The following CACNA1C variants were observed in gnomAD, a reference collection of about 807,000 sequenced individuals.
CACNA1C encodes voltage-dependent L-type calcium channel subunit alpha-1C.
CACNA1C carries 30 observed loss-of-function variants against 229.0 expected under a neutral mutation model. The observed-to-expected ratio is 0.13, with a 90% CI of 0.10 to 0.18. The LOEUF is 0.18. Among genes scored for constraint, CACNA1C ranks in the 10% least tolerant of loss-of-function variants. The pLI, the probability that CACNA1C is intolerant of heterozygous loss-of-function variation, is 1.00. For synonymous variants in CACNA1C, 1,114 were observed against 1,132.5 expected (o/e 0.98, Z 0.33); for missense variants, 1,658 against 2,845.0 (o/e 0.58, Z 9.49).
chr12:2,392,901 T>C (rs1282171285), intron 3 of CACNA1C, among the ~76,000 whole-genome samples: 1 of 152,190 alleles, frequency 6.6e-6, no homozygotes, highest in African/African-American at 2.4e-5. Context: ...CCATCTGGGC[T>C]TTGCTATTTG....
chr12:1,980,360 T>C (rs568336311), intron 1 of CACNA1C, among the ~76,000 whole-genome samples: 2 of 152,348 alleles, frequency 1.3e-5, no homozygotes, highest in African/African-American at 4.8e-5. Flanking sequence ...CATGTGACTA[T>C]TGGTATTTGT....
At chr12:2,286,876 C>T (rs1305733834) in intron 3 of CACNA1C, among the ~76,000 whole-genome samples, 1 of 152,244 alleles carries the variant, frequency 6.6e-6, no homozygotes, top group East Asian at 1.9e-4. Context: ...TGCCTCAGGA[C>T]TGAAATTGGT....
intron 30 of CACNA1C, among the ~76,000 whole-genome samples, chr12:2,636,987 A>T (rs1481489412): frequency 6.6e-6 from 1 of 152,192 alleles, no homozygotes; most frequent in Non-Finnish European, 1.5e-5. Context: ...AGGTGTCCTG[A>T]GACCCAACAC....
rs924298353 is a variant in CACNA1C at position 2,695,246 on chromosome 12, T to C, written c.*4047T>C. 1.3e-5 allele frequency: 2 copies of C among 152,222 alleles called. No homozygotes were observed. The highest frequency in any genetic ancestry group is 2.1e-4 in the South Asian group (1 of 4,834). 9.4% of individuals were successfully genotyped at this position (152,222 alleles called of 1,614,324 possible). ...TGCCTCTTCCCAGTTCATGGAAGGA[T>C]GTGTTCAGCTTACCCACCCACAGTG... On this transcript the variant is annotated 3_prime_UTR_variant, in exon 47 of 47. Coordinates refer to ENST00000399655, the MANE Select transcript of CACNA1C (RefSeq NM_000719.7).
At chr12:2,471,544 A>G (rs1425394982) in intron 5 of CACNA1C, among the ~76,000 whole-genome samples, 3 of 152,214 alleles carry the variant, frequency 2.0e-5, no homozygotes, top group African/African-American at 2.4e-5. Flanking sequence ...TGTTTATCTG[A>G]ACATGTCTTT....
chr12:2,233,271 C>G (rs1210036084), intron 3 of CACNA1C, among the ~76,000 whole-genome samples: 1 of 152,180 alleles, frequency 6.6e-6, no homozygotes, highest in East Asian at 1.9e-4. Flanking sequence ...TGTGACTCAT[C>G]TGGGGGTAAT....
intron 3 of CACNA1C, among the ~76,000 whole-genome samples, chr12:2,405,376 T>C (rs2098725060): frequency 6.6e-6 from 1 of 152,226 alleles, no homozygotes; most frequent in Admixed American, 6.5e-5. Context: ...TCCTTCGCTA[T>C]GGAGATCTTC....
chr12:2,373,691 G>A (rs1230882156), intron 3 of CACNA1C, among the ~76,000 whole-genome samples: 1 of 152,160 alleles, frequency 6.6e-6, no homozygotes, highest in East Asian at 1.9e-4. Context: ...GGAAACAACA[G>A]AATTATATTC....
intron 18 of CACNA1C, among the ~76,000 whole-genome samples, chr12:2,587,408 G>A (rs2062992641): frequency 6.6e-6 from 1 of 152,198 alleles, no homozygotes; most frequent in Non-Finnish European, 1.5e-5. Flanking sequence ...CAGCCTCCAG[G>A]ATGGGCCTCC....
chr12:1,999,367 A>T (rs1020902412), intron 1 of CACNA1C, among the ~76,000 whole-genome samples: 2 of 152,240 alleles, frequency 1.3e-5, no homozygotes, highest in Non-Finnish European at 2.9e-5. Flanking sequence ...TTACCTAGTA[A>T]CAAAATATTT....
chr12:2,358,676 G>A (rs2097461964), intron 3 of CACNA1C, among the ~76,000 whole-genome samples: 1 of 152,188 alleles, frequency 6.6e-6, no homozygotes. Flanking sequence ...CACAATCCAG[G>A]TTAACCGCAA....
chr12:2,431,120 A>G (rs1365011042), intron 3 of CACNA1C, among the ~76,000 whole-genome samples: 1 of 152,212 alleles, frequency 6.6e-6, no homozygotes, highest in East Asian at 1.9e-4. Context: ...TTAGGTCAGT[A>G]GTTCCCAGGC....
chr12:2,417,426 A>G (rs566906137), intron 3 of CACNA1C, among the ~76,000 whole-genome samples: 17 of 152,184 alleles, frequency 1.1e-4, no homozygotes, highest in Non-Finnish European at 1.8e-4. Flanking sequence ...TAAAAACGCT[A>G]ATGCCTGGGG....
intron 3 of CACNA1C, among the ~76,000 whole-genome samples, chr12:2,327,607 C>G (rs999100135): frequency 3.9e-5 from 6 of 152,156 alleles, no homozygotes; most frequent in African/African-American, 1.2e-4. Flanking sequence ...GAGAGGTGTT[C>G]GTGTGGTGTG....
In CACNA1C at chr12:2,668,636, A is replaced by G. The variant is rs73247430; in HGVS notation, c.4624-297A>G. 2,626 of 300,022 alleles carry G rather than the reference A, an allele frequency of 8.8e-3. 68 individuals carry two copies. Among genetic ancestry groups the G allele is most frequent in the African/African-American group, 0.051 (2,370 of 46,802 alleles). The allele number at this position is 300,022 out of a possible 1,614,324, so 18.6% of individuals were successfully genotyped here. Reference sequence around the variant, plus strand: ...GGTGGAAGGCAAAGGGGAGGCAGGTACGTCACATGGACAGACAGGGAGCAA... The same window carrying G: ...GGTGGAAGGCAAAGGGGAGGCAGGTGCGTCACATGGACAGACAGGGAGCAA... On this transcript the variant is annotated intron_variant, in intron 37 of 46. Coordinates refer to ENST00000399655, the MANE Select transcript of CACNA1C (RefSeq NM_000719.7).
intron 3 of CACNA1C, among the ~76,000 whole-genome samples, chr12:2,140,246 C>T (rs542015699): frequency 6.6e-6 from 1 of 151,470 alleles, no homozygotes; most frequent in East Asian, 1.9e-4. Flanking sequence ...GGACGATTTG[C>T]AGAATGGTCG....
chr12:2,677,177 G>A lies in CACNA1C; in HGVS notation c.4912G>A (p.Gly1638Ser). Residue 1638 changes from glycine to serine, a missense_variant, in exon 40 of 47, where the codon GGC (glycine) becomes AGC (serine). Gly to Ser is a moderately conservative substitution (Grantham distance 56). Coordinates refer to ENST00000399655, the MANE Select transcript of CACNA1C (RefSeq NM_000719.7). The surrounding 1 kb of genome is among the most constrained non-coding windows in gnomAD (Gnocchi z 7.4). ...GAAGTTCAAGAAGCGCAAAGAGCAG[G>A]GCCTTGTGGGCAAGCCCTCCCAGAG... Reference protein sequence around the residue: ...FRKFKKRKEQGLVGKPSQRNA... With the variant: ...FRKFKKRKEQSLVGKPSQRNA... 1 of 1,613,844 alleles carries A rather than the reference G, an allele frequency of 6.2e-7. No homozygotes were observed.
At chr12:2,274,864 G>A (rs1030608331) in intron 3 of CACNA1C, among the ~76,000 whole-genome samples, 13 of 152,168 alleles carry the variant, frequency 8.5e-5, no homozygotes, top group Admixed American at 4.6e-4. Flanking sequence ...GTGGGGCCCC[G>A]GCTGGGATGA....
At chr12:1,986,018 T>A (rs2037624488) in intron 1 of CACNA1C, among the ~76,000 whole-genome samples, 1 of 152,190 alleles carries the variant, frequency 6.6e-6, no homozygotes, top group South Asian at 2.1e-4. Flanking sequence ...TTTCACCGTG[T>A]TAGCCAGGAT....
Sources: gnomAD v4.1 joint callset for allele counts (sites outside exome capture counted in the v4.1 genomes callset) on GRCh38, gnomAD v4.1.1 for gene constraint, Gnocchi (gnomAD v3.1) non-coding constraint, MANE v1.5 for transcripts, NCBI Gene and HGNC (gene_info 2026-07-23, HGNC 2026-07-21) for gene names.